RANBP2: variants seen among roughly 807,000 people sequenced by gnomAD.
RANBP2 encodes the protein RAN binding protein 2, also known as E3 SUMO-protein ligase RanBP2.
In RANBP2, 57 loss-of-function variants were observed where a neutral mutation model predicts 303.6. The observed-to-expected ratio is 0.19, with a 90% CI of 0.15 to 0.23. The LOEUF (loss-of-function observed/expected upper bound fraction) is 0.23. Among genes scored for constraint, RANBP2 ranks in the 10% least tolerant of loss-of-function variants. RANBP2 has a pLI of 1.00. For missense variants in RANBP2, 3,138 were observed against 3,780.8 expected (o/e 0.83, Z 4.46); for synonymous variants, 1,167 against 1,301.5 (o/e 0.90, Z 2.23).
chr2:108,902,014 T>C, the RANBP2 span, among the ~76,000 whole-genome samples: 1 of 151,078 alleles, frequency 6.6e-6, no homozygotes, highest in Non-Finnish European at 1.5e-5. Context: ...CCAAAGCAGG[T>C]GGACCACAAG....
At chr2:109,105,331 A>G in the RANBP2 span, among the ~76,000 whole-genome samples, 1 of 152,148 alleles carries the variant, frequency 6.6e-6, no homozygotes. Context: ...CAGTAAACAC[A>G]TTGCACATAC....
the RANBP2 span, among the ~76,000 whole-genome samples, chr2:109,595,361 C>T: frequency 6.6e-6 from 1 of 152,126 alleles, no homozygotes. Flanking sequence ...CAGAGACTAG[C>T]CTGATTTTAA....
At chr2:109,133,175 G>A in the RANBP2 span, among the ~76,000 whole-genome samples, 8 of 152,320 alleles carry the variant, frequency 5.3e-5, no homozygotes, top group African/African-American at 1.9e-4. Flanking sequence ...TTCTGTGAGG[G>A]TTACAAGGAA....
At chr2:109,472,959 G>A in the RANBP2 span, among the ~76,000 whole-genome samples, 1 of 152,184 alleles carries the variant, frequency 6.6e-6, no homozygotes, top group East Asian at 1.9e-4. Flanking sequence ...ATGAATGAAT[G>A]TGGTGCTATA....
the RANBP2 span, among the ~76,000 whole-genome samples, chr2:109,659,102 C>G: frequency 1.3e-5 from 2 of 149,754 alleles, no homozygotes; most frequent in Non-Finnish European, 3.0e-5. Flanking sequence ...CACAGCCAAG[C>G]GCAGTGGCTT....
chr2:109,125,901 G>A, the RANBP2 span, among the ~76,000 whole-genome samples: 525 of 152,282 alleles, frequency 3.4e-3, 2 homozygotes, highest in African/African-American at 0.012. Flanking sequence ...GTAAACTGGC[G>A]GTCTGTAGGC....
chr2:108,878,423 C>A, the RANBP2 span: 1 of 215,822 alleles, frequency 4.6e-6, no homozygotes, highest in Non-Finnish European at 9.9e-6. Context: ...AGGTACAGTT[C>A]CAAGAGGAGA....
chr2:108,918,615 G>A, the RANBP2 span, among the ~76,000 whole-genome samples: 5 of 152,292 alleles, frequency 3.3e-5, no homozygotes, highest in African/African-American at 4.8e-5. Flanking sequence ...CCTACCTCGC[G>A]TGGAGTTCGA....
At chr2:109,691,156 C>G in the RANBP2 span, among the ~76,000 whole-genome samples, 1 of 152,306 alleles carries the variant, frequency 6.6e-6, no homozygotes, top group South Asian at 2.1e-4. Flanking sequence ...TACAATAGCC[C>G]TTGCCAGAAG....
chr2:109,150,314 G>A, the RANBP2 span, among the ~76,000 whole-genome samples: 1 of 152,038 alleles, frequency 6.6e-6, no homozygotes, highest in African/African-American at 2.4e-5. Context: ...AGGGTTGGGG[G>A]AGGGGGCATG....
the RANBP2 span, among the ~76,000 whole-genome samples, chr2:109,026,337 C>T: frequency 7.9e-6 from 1 of 125,990 alleles, no homozygotes; most frequent in Non-Finnish European, 1.6e-5. Flanking sequence ...CTATGTTGCT[C>T]AGGCTGGTCC....
the RANBP2 span, among the ~76,000 whole-genome samples, chr2:109,659,735 C>T: frequency 6.6e-5 from 10 of 152,212 alleles, no homozygotes; most frequent in South Asian, 2.1e-4. Context: ...GAGGGGGCCG[C>T]GGGGCCGGGA....
At chr2:109,148,626 TAGTC>T in the RANBP2 span, among the ~76,000 whole-genome samples, 152 of 152,330 alleles carry the variant, frequency 1.0e-3, no homozygotes, top group African/African-American at 3.3e-3. Context: ...AAGATGGCAT[TAGTC>T]AGGCAGAAGC....
At chr2:109,433,149 G>C in the RANBP2 span, among the ~76,000 whole-genome samples, 1 of 152,338 alleles carries the variant, frequency 6.6e-6, no homozygotes, top group South Asian at 2.1e-4. Flanking sequence ...AGGTGTGTGC[G>C]TGTGTGCATA....
chr2:108,950,299 A>G, the RANBP2 span, among the ~76,000 whole-genome samples: 1 of 143,704 alleles, frequency 7.0e-6, no homozygotes, highest in Admixed American at 7.3e-5. Context: ...TTTTTTTGAC[A>G]GGCGGGTCTC....
the RANBP2 span, among the ~76,000 whole-genome samples, chr2:109,303,618 A>G: frequency 3.9e-5 from 6 of 152,240 alleles, no homozygotes; most frequent in Non-Finnish European, 7.3e-5. Flanking sequence ...CTGGCGAGAC[A>G]AAGTCAGGGA....
chr2:109,709,509 G>T, the RANBP2 span, among the ~76,000 whole-genome samples: 2 of 152,152 alleles, frequency 1.3e-5, no homozygotes, highest in Non-Finnish European at 2.9e-5. Context: ...CAATCCTGCT[G>T]CCCCTCACTC....
chr2:109,779,103 CTTG>C, the RANBP2 span, among the ~76,000 whole-genome samples: 2 of 123,584 alleles, frequency 1.6e-5, no homozygotes, highest in African/African-American at 6.1e-5. Flanking sequence ...AAAGTCAGAA[CTTG>C]TTGTATTTTG....
chr2:109,121,628 T>C, the RANBP2 span, among the ~76,000 whole-genome samples: 6 of 152,334 alleles, frequency 3.9e-5, no homozygotes, highest in Admixed American at 6.5e-5. Flanking sequence ...TGAGACCCCC[T>C]GCTACACGTT....
Sources: gnomAD v4.1 joint callset for allele counts (sites outside exome capture counted in the v4.1 genomes callset) on GRCh38, gnomAD v4.1.1 for gene constraint, MANE v1.5 for transcripts, NCBI Gene and HGNC (gene_info 2026-07-23, HGNC 2026-07-21) for gene names.